The following ATP10A variants were observed in gnomAD, a reference collection of about 807,000 sequenced individuals.
ATP10A encodes the protein phospholipid-transporting ATPase VA.
In ATP10A, 111 loss-of-function variants were observed where a neutral mutation model predicts 147.8. The ratio of observed to expected loss-of-function variants is 0.75; its 90% CI spans 0.64 to 0.88. The LOEUF (loss-of-function observed/expected upper bound fraction) is 0.88, where lower values mean the gene tolerates loss of function less well. Ranked by LOEUF, ATP10A falls within the 40% of genes least tolerant of loss-of-function variation. The probability of loss-of-function intolerance (pLI) is 0.00; values close to 1 mark genes in which losing one functional copy is unlikely to be tolerated. For synonymous variants in ATP10A, 875 were observed against 841.6 expected (o/e 1.04, Z -0.69); for missense variants, 1,927 against 1,959.0 (o/e 0.98, Z 0.31).
rs768170969 is a variant in ATP10A at position 25,736,189 on chromosome 15, G to A, written c.655-48C>T. 32 of 1,536,690 alleles carry A rather than the reference G, an allele frequency of 2.1e-5. 1 individual carries two copies. The highest frequency in any genetic ancestry group is 1.6e-4 in the South Asian group (14 of 88,586). ...TTAGAGAAATCCGGGCTCAGGCTGC[G>A]CCGTTCTAAAAGGCACTCGCTTTTC... is the stretch of plus-strand genomic sequence containing the variant. On this transcript the variant is annotated intron_variant, in intron 2 of 20. Coordinates refer to ENST00000555815, the MANE Select transcript of ATP10A (RefSeq NM_024490.4).
At chr15:25,702,698 G>C (rs1482863557) in intron 12 of ATP10A, among the ~76,000 whole-genome samples, 2 of 151,560 alleles carry the variant, frequency 1.3e-5, no homozygotes, top group East Asian at 3.9e-4. Context: ...TTTGGTCTCA[G>C]TATGTTGGGA....
chr15:25,777,101 G>GTGTGTGTGTGTGTC (rs1555468167), intron 2 of ATP10A, among the ~76,000 whole-genome samples: 3 of 151,598 alleles, frequency 2.0e-5, no homozygotes, highest in Non-Finnish European at 4.4e-5. Context: ...ACGTGCGTGT[G>GTGTGTGTGTGTGTC]TGTGTGTGTG....
intron 2 of ATP10A, among the ~76,000 whole-genome samples, chr15:25,762,045 A>G (rs1888785851): frequency 6.6e-6 from 1 of 152,120 alleles, no homozygotes; most frequent in Non-Finnish European, 1.5e-5. Flanking sequence ...GGTGGGAGGT[A>G]AATGACTCAG....
intron 1 of ATP10A, among the ~76,000 whole-genome samples, chr15:25,822,466 C>G (rs1394820809): frequency 6.6e-6 from 1 of 152,148 alleles, no homozygotes; most frequent in African/African-American, 2.4e-5. Flanking sequence ...GCCTAATGAT[C>G]AGAGTGGCAG....
upstream of ATP10A, among the ~76,000 whole-genome samples, chr15:25,864,434 G>T (rs1362770588): frequency 6.6e-6 from 1 of 152,164 alleles, no homozygotes; most frequent in Non-Finnish European, 1.5e-5. Flanking sequence ...CTGCTAACAA[G>T]GCACTGCCCT....
intron 1 of ATP10A, among the ~76,000 whole-genome samples, chr15:25,850,648 C>G (rs181717696): frequency 0.021 from 3,177 of 149,566 alleles, 70 homozygotes; most frequent in East Asian, 0.13. Context: ...TCCCTCCCCC[C>G]CCAGCCCCGG....
At chr15:25,801,788 G>T (rs561248413) in intron 1 of ATP10A, among the ~76,000 whole-genome samples, 1 of 152,126 alleles carries the variant, frequency 6.6e-6, no homozygotes, top group Admixed American at 6.5e-5. Context: ...GAAGGCCCCC[G>T]TGCCAGTCTC....
intron 7 of ATP10A, among the ~76,000 whole-genome samples, chr15:25,720,905 G>A (rs1003303213): frequency 7.2e-5 from 11 of 152,150 alleles, no homozygotes; most frequent in African/African-American, 2.4e-4. Flanking sequence ...CCCTCTGTCC[G>A]GTTTTAATTT....
intron 2 of ATP10A, among the ~76,000 whole-genome samples, chr15:25,771,215 C>A (rs930950864): frequency 5.3e-5 from 8 of 152,096 alleles, no homozygotes; most frequent in African/African-American, 1.4e-4. Context: ...CACAACATGC[C>A]CCCCGGGATC....
chr15:25,689,209 C>A (rs1282626067), intron 15 of ATP10A, among the ~76,000 whole-genome samples: 1 of 152,252 alleles, frequency 6.6e-6, no homozygotes, highest in East Asian at 1.9e-4. Context: ...GTCCTTCCGT[C>A]AAAGTGGCCT....
At chr15:25,753,229 C>T (rs1319380101) in intron 2 of ATP10A, among the ~76,000 whole-genome samples, 1 of 152,106 alleles carries the variant, frequency 6.6e-6, no homozygotes, top group Non-Finnish European at 1.5e-5. Flanking sequence ...CTCCCTTTGA[C>T]CATCATCTAT....
intron 1 of ATP10A, among the ~76,000 whole-genome samples, chr15:25,861,109 C>T (rs988651806): frequency 2.6e-5 from 4 of 152,110 alleles, no homozygotes; most frequent in Non-Finnish European, 4.4e-5. Flanking sequence ...ATGACAGTCA[C>T]TCTTGCTGAC....
intron 1 of ATP10A, among the ~76,000 whole-genome samples, chr15:25,825,498 G>A (rs1215006890): frequency 6.6e-6 from 1 of 152,140 alleles, no homozygotes; most frequent in African/African-American, 2.4e-5. Context: ...TGAAGGCTAA[G>A]ACAGAGAGGT....
chr15:25,696,831 A>T lies in ATP10A; in HGVS notation c.2761-1685T>A, dbSNP rs549432030. ...TATTCTTTTTCGTCTATTATTTTGA[A>T]CTCAGTCCCAGGCAATTCTGCTACC... On this transcript the variant is annotated intron_variant, in intron 13 of 20. Transcript: ENST00000555815. Among the ~76,000 whole-genome samples the T allele has an allele frequency of 5.9e-5, 9 of 152,224 alleles. No homozygotes were observed. The South Asian group carries it at 1.5e-3, about 25-fold the overall frequency.
chr15:25,680,520 T>G (rs1899345651), intron 19 of ATP10A, among the ~76,000 whole-genome samples: 1 of 150,840 alleles, frequency 6.6e-6, no homozygotes, highest in African/African-American at 2.4e-5. Flanking sequence ...TGAGATGGAG[T>G]CAGGGGCGAG....
At position 25,695,004 on chromosome 15, in the gene ATP10A, C is replaced by T. The variant is rs150976669; in HGVS notation, c.2903G>A (p.Arg968His). Residue 968 changes from arginine to histidine, a missense_variant, in exon 14 of 21, where the codon CGC (arginine) becomes CAC (histidine). Physicochemically the swap from Arg to His is conservative, Grantham distance 29. Transcript: ENST00000555815. Reference sequence around the variant, plus strand: ...CCCATCGATCACGAGGCTGGGTCTGCGGCCAGAGGCAGTGGACGTGGAGGG... The same window carrying T: ...CCCATCGATCACGAGGCTGGGTCTGTGGCCAGAGGCAGTGGACGTGGAGGG... ...CPPSTSTASG[R>H]RPSLVIDGRS... 4.5e-5 allele frequency: 72 copies of T among 1,614,192 alleles called. No individual in the cohort carries two copies. Among genetic ancestry groups the T allele is most frequent in the Middle Eastern group, 1.6e-4 (1 of 6,062 alleles).
intron 3 of ATP10A, among the ~76,000 whole-genome samples, chr15:25,733,773 G>T (rs1044378037): frequency 2.4e-4 from 36 of 152,246 alleles, no homozygotes; most frequent in African/African-American, 7.7e-4. Context: ...ACGATGGGTG[G>T]AGTACACGAG....
Position 25,788,371 on chromosome 15 carries a change from T to A in ATP10A, c.450-7148A>T, listed in dbSNP as rs143517255. 4.9e-3 allele frequency among the ~76,000 whole-genome samples: 740 copies of A among 152,308 alleles called. 11 individuals are homozygous for A. The highest frequency in any genetic ancestry group is 0.017 in the African/African-American group (698 of 41,564). ...GGACTCTGAGTGCCCGAGTTCCTGATCTGCAGAACGGGGGTCTGTAGGATC... is the reference window on the plus strand; with the variant it reads ...GGACTCTGAGTGCCCGAGTTCCTGAACTGCAGAACGGGGGTCTGTAGGATC... On this transcript the variant is annotated intron_variant, in intron 1 of 20. Coordinates refer to ENST00000555815, the MANE Select transcript of ATP10A (RefSeq NM_024490.4).
At chr15:25,806,545 C>T (rs1374776645) in intron 1 of ATP10A, among the ~76,000 whole-genome samples, 2 of 152,128 alleles carry the variant, frequency 1.3e-5, no homozygotes, top group South Asian at 4.1e-4. Flanking sequence ...ATCTCCTGAC[C>T]TCGTGATCCG....
Sources: allele counts gnomAD v4.1 joint callset (sites outside exome capture counted in the v4.1 genomes callset), GRCh38; gene constraint gnomAD v4.1.1; transcripts MANE v1.5; gene names NCBI Gene and HGNC (gene_info 2026-07-23, HGNC 2026-07-21).